Variants in PDZD8 observed in about 807,000 individuals in gnomAD.
PDZD8 encodes the protein PDZ domain-containing protein 8.
In PDZD8, 14 loss-of-function variants were observed where a neutral mutation model predicts 85.8. The ratio of observed to expected loss-of-function variants is 0.16; its 90% CI spans 0.11 to 0.26. PDZD8 has a LOEUF of 0.26. Among genes scored for constraint, PDZD8 ranks in the 10% least tolerant of loss-of-function variants. The pLI is 1.00. For synonymous variants in PDZD8, 592 were observed against 568.6 expected (o/e 1.04, Z -0.59); for missense variants, 1,197 against 1,424.3 (o/e 0.84, Z 2.57).
rs140515400 is a variant in PDZD8 at position 117,308,445 on chromosome 10, T to C, written c.1098+10427A>G. 3.8e-3 allele frequency among the ~76,000 whole-genome samples: 580 copies of C among 152,030 alleles called. 2 individuals carry two copies. Among genetic ancestry groups the C allele is most frequent in the African/African-American group, 0.01 (432 of 41,484 alleles). On this transcript the variant is annotated intron_variant, in intron 3 of 4. Coordinates refer to ENST00000334464, the MANE Select transcript of PDZD8 (RefSeq NM_173791.5). ...ACACAAAATATATGCACTAAAACCA[T>C]AGGAACAAAAGAGGTCAATCAGGTT... is the stretch of plus-strand genomic sequence containing the variant.
chr10:117,354,373 G>GT (rs1844857372), intron 1 of PDZD8, among the ~76,000 whole-genome samples: 3 of 152,198 alleles, frequency 2.0e-5, no homozygotes, highest in South Asian at 4.2e-4. Flanking sequence ...CACAAATTCT[G>GT]GTTTTCTTCT....
rs1845288133 is a variant in PDZD8, at chr10:117,375,375, G to A, written c.-148C>T. ...TGGGCCTCGTCCAGGGGCTCGGGCC[G>A]GCGCGCTGCGGCGCCCGAGCCCGCA... On this transcript the variant is annotated 5_prime_UTR_variant, in exon 1 of 5. Coordinates refer to ENST00000334464, the MANE Select transcript of PDZD8 (RefSeq NM_173791.5). 1 of 439,992 alleles carries A rather than the reference G, an allele frequency of 2.3e-6. No individual in the cohort carries two copies. The allele number at this position is 439,992 out of a possible 1,614,324, so 27.3% of individuals were successfully genotyped here. A position where few individuals can be genotyped will look rare whatever the true frequency, so the allele number is the denominator to read the frequency against.
At chr10:117,305,459 TATACACACAC>T (rs1386613205) in intron 3 of PDZD8, among the ~76,000 whole-genome samples, 61 of 100,178 alleles carry the variant, frequency 6.1e-4, no homozygotes, top group African/African-American at 2.2e-3. Flanking sequence ...CACACACATA[TATACACACAC>T]ATACACACAC....
In PDZD8 at chr10:117,342,682, T is replaced by C. The variant is rs1388397838; in HGVS notation, c.873-1580A>G. ...TAGCAGAGATGGGGTTTTGCCACGC[T>C]GGCCAGATCAGTCTTGAACTCCTGA... is the stretch of plus-strand genomic sequence containing the variant. On this transcript the variant is annotated intron_variant, in intron 1 of 4. Transcript: ENST00000334464. Among the ~76,000 whole-genome samples the C allele has an allele frequency of 2.0e-5, 3 of 152,196 alleles. No individual in the cohort carries two copies. The South Asian group carries it at 6.2e-4, about 32-fold the overall frequency.
At chr10:117,289,381 T>C (rs1329934057) in intron 4 of PDZD8, among the ~76,000 whole-genome samples, 1 of 152,234 alleles carries the variant, frequency 6.6e-6, no homozygotes, top group Non-Finnish European at 1.5e-5. Context: ...TTGTCTAAGC[T>C]GTGAAAGAAA....
intron 1 of PDZD8, among the ~76,000 whole-genome samples, chr10:117,370,399 G>A (rs1845168602): frequency 1.3e-5 from 2 of 152,060 alleles, no homozygotes; most frequent in African/African-American, 4.8e-5. Context: ...ACACGAAAAA[G>A]GCAAAATAAA....
chr10:117,316,348 A>G (rs975546617), intron 3 of PDZD8, among the ~76,000 whole-genome samples: 2 of 152,070 alleles, frequency 1.3e-5, no homozygotes, highest in Non-Finnish European at 2.9e-5. Context: ...TTTCTCCCTT[A>G]TGTCCCAATT....
intron 2 of PDZD8, among the ~76,000 whole-genome samples, chr10:117,324,876 C>A (rs1844288530): frequency 6.6e-6 from 1 of 152,036 alleles, no homozygotes; most frequent in Admixed American, 6.6e-5. Flanking sequence ...CTTTTGTGAG[C>A]AAAATTTGAA....
intron 1 of PDZD8, among the ~76,000 whole-genome samples, chr10:117,364,132 T>G (rs2133883937): frequency 6.6e-6 from 1 of 152,046 alleles, no homozygotes; most frequent in Admixed American, 6.6e-5. Context: ...GGACAGACCT[T>G]GAATTCAACA....
intron 2 of PDZD8, among the ~76,000 whole-genome samples, chr10:117,331,555 T>G (rs779350947): frequency 6.6e-6 from 1 of 152,206 alleles, no homozygotes; most frequent in Non-Finnish European, 1.5e-5. Context: ...TTAAAAGCAC[T>G]GATTATCAAA....
At chr10:117,309,704 A>G (rs72825513) in intron 3 of PDZD8, among the ~76,000 whole-genome samples, 5,460 of 152,252 alleles carry the variant, frequency 0.036, 130 homozygotes, top group Non-Finnish European at 0.059. Flanking sequence ...CCTTGATTTT[A>G]TCCATTGCTG....
At position 117,284,194 on chromosome 10, in the gene PDZD8, G is replaced by C. The variant is rs779966736; in HGVS notation, c.2539C>G (p.Gln847Glu). 3 of 1,614,164 alleles carry C rather than the reference G, an allele frequency of 1.9e-6. No homozygotes were observed. The highest frequency in any genetic ancestry group is 2.5e-6 in the Non-Finnish European group (3 of 1,180,006). Residue 847 changes from glutamine (Q) to glutamate (E), a missense_variant, in exon 5 of 5, where the codon CAG becomes GAG. By Grantham distance (29) the Gln-to-Glu change is conservative. This residue lies in a region of PDZD8 where 418 missense variants were observed against 571.1 expected (regional missense o/e 0.73). Transcript: ENST00000334464. ...TENKHSFQDT[Q>E]FQNPTWCDYC... ...TCACACCATGTTGGGTTCTGGAACT[G>C]AGTATCCTGAAAACTGTGTTTGTTT...
chr10:117,326,994 A>G (rs1844328874), intron 2 of PDZD8, among the ~76,000 whole-genome samples: 1 of 152,212 alleles, frequency 6.6e-6, no homozygotes, highest in Non-Finnish European at 1.5e-5. Context: ...AACATACTCC[A>G]AACTCTTCAT....
At position 117,284,602 on chromosome 10, in the gene PDZD8, A is replaced by C. The variant is rs771280238; in HGVS notation, c.2131T>G (p.Leu711Val). Residue 711 changes from leucine (L) to valine (V), a missense_variant, in exon 5 of 5, where the codon TTA (leucine) becomes GTA (valine). This residue lies in a region of PDZD8 where 418 missense variants were observed against 571.1 expected (regional missense o/e 0.73). Coordinates refer to ENST00000334464, the MANE Select transcript of PDZD8 (RefSeq NM_173791.5). ...LFDIEACHRY[L>V]NIALWCRDPF... ...TCCCTGCACCACAATGCAATGTTTA[A>C]GTACCTGTGACAGGCTTCTATGTCA... is the stretch of plus-strand genomic sequence containing the variant. 6.8e-6 allele frequency: 11 copies of C among 1,614,064 alleles called. No individual in the cohort carries two copies. In the Admixed American group the frequency reaches 1.7e-4, roughly 24 times the overall value.
chr10:117,374,872 A>G lies in PDZD8; in HGVS notation c.356T>C (p.Val119Ala). Reference protein sequence around the residue: ...LRDTALTRRWVTKKIKVEFEE... With the variant: ...LRDTALTRRWATKKIKVEFEE... ...GAACTCCACCTTGATCTTCTTGGTG[A>G]CCCAGCGGCGGGTCAGCGCGGTGTC... The change falls in exon 1 of 5, where the codon GTC (valine) becomes GCC (alanine). Residue 119 changes from valine (V) to alanine (A), a missense_variant. Physicochemically the swap from Val to Ala is moderately conservative, Grantham distance 64. Coordinates refer to ENST00000334464, the MANE Select transcript of PDZD8 (RefSeq NM_173791.5). This position sits in a 1 kb window ranked among gnomAD's most constrained non-coding sequence, Gnocchi z 7.8. 2 of 1,613,488 alleles carry G rather than the reference A, an allele frequency of 1.2e-6. No homozygotes were observed. The highest frequency in any genetic ancestry group is 1.7e-6 in the Non-Finnish European group (2 of 1,179,870).
intron 2 of PDZD8, among the ~76,000 whole-genome samples, chr10:117,328,528 CAG>C (rs1844357485): frequency 6.6e-6 from 1 of 152,144 alleles, no homozygotes; most frequent in Admixed American, 6.6e-5. Flanking sequence ...CCTCTCACCT[CAG>C]CCTCTGGAAT....
intron 3 of PDZD8, among the ~76,000 whole-genome samples, chr10:117,302,966 T>C (rs1342517477): frequency 6.6e-6 from 1 of 152,214 alleles, no homozygotes; most frequent in Non-Finnish European, 1.5e-5. Flanking sequence ...GTCTCAGGTA[T>C]GCCTTTATCA....
At chr10:117,344,929 T>C (rs1412067381) in intron 1 of PDZD8, among the ~76,000 whole-genome samples, 2 of 152,134 alleles carry the variant, frequency 1.3e-5, no homozygotes, top group African/African-American at 4.8e-5. Flanking sequence ...ACCCTGACTG[T>C]CTTGCCCTGG....
chr10:117,314,641 G>A (rs189818049), intron 3 of PDZD8, among the ~76,000 whole-genome samples: 4 of 152,218 alleles, frequency 2.6e-5, no homozygotes, highest in African/African-American at 7.2e-5. Context: ...TGCATACTGG[G>A]CTACAAAAGG....
Sources: gnomAD v4.1 joint callset for allele counts (sites outside exome capture counted in the v4.1 genomes callset) on GRCh38, gnomAD v4.1.1 for gene constraint, gnomAD v4.1.1 regional missense constraint, Gnocchi (gnomAD v3.1) non-coding constraint, MANE v1.5 for transcripts, NCBI Gene and HGNC (gene_info 2026-07-23, HGNC 2026-07-21) for gene names.